The following SLC25A48 variants were observed in gnomAD, a reference collection of about 807,000 sequenced individuals.
The protein encoded by SLC25A48 is CTC-321K16.1.
SLC25A48 carries 29 observed loss-of-function variants against 32.2 expected under a neutral mutation model. That is an observed-to-expected ratio of 0.90 (90% CI 0.67 to 1.23). The LOEUF (loss-of-function observed/expected upper bound fraction) is 1.23, where lower values mean the gene tolerates loss of function less well. Among genes scored for constraint, SLC25A48 ranks in the 50% most tolerant of loss-of-function variants. The pLI, the probability that SLC25A48 is intolerant of heterozygous loss-of-function variation, is 0.00. For missense variants in SLC25A48, 399 were observed against 422.7 expected, an observed-to-expected ratio of 0.94 and a Z score of 0.49; for synonymous variants, 164 against 172.3, an observed-to-expected ratio of 0.95 and a Z score of 0.38.
chr5:135,625,979 T>A (rs1385407868), intron 1 of SLC25A48, among the ~76,000 whole-genome samples: 1 of 152,198 alleles, frequency 6.6e-6, no homozygotes, highest in Non-Finnish European at 1.5e-5. Context: ...TGGCCACCAC[T>A]GCCCCATCTC....
At chr5:135,740,591 G>A (rs2126999751) in intron 3 of SLC25A48, among the ~76,000 whole-genome samples, 1 of 152,332 alleles carries the variant, frequency 6.6e-6, no homozygotes, top group South Asian at 2.1e-4. Context: ...AGGGAGTGGA[G>A]TGTGTGGTGT....
intron 3 of SLC25A48, among the ~76,000 whole-genome samples, chr5:135,795,152 T>G (rs1261104184): frequency 6.6e-6 from 1 of 151,634 alleles, no homozygotes; most frequent in Non-Finnish European, 1.5e-5. Flanking sequence ...GGAGAGGATG[T>G]TATTACTCCC....
At chr5:135,780,135 C>T (rs1380778137) in intron 3 of SLC25A48, among the ~76,000 whole-genome samples, 2 of 107,712 alleles carry the variant, frequency 1.9e-5, no homozygotes, top group East Asian at 4.6e-4. Flanking sequence ...TGGTGTAAAC[C>T]GTGCCTGTGT....
chr5:135,679,446 C>A (rs577993657), intron 3 of SLC25A48, among the ~76,000 whole-genome samples: 1 of 152,300 alleles, frequency 6.6e-6, no homozygotes, highest in South Asian at 2.1e-4. Context: ...GTGGTAGCAG[C>A]TGTACTTCAG....
chr5:135,838,438 T>C (rs1426127987), intron 1 of SLC25A48, among the ~76,000 whole-genome samples: 2 of 152,252 alleles, frequency 1.3e-5, no homozygotes, highest in Admixed American at 6.5e-5. Context: ...TCAAGCCTGC[T>C]GCAGAAATTT....
At position 135,813,918 on chromosome 5, in the gene SLC25A48, G is replaced by A. The variant is rs116686432; in HGVS notation, c.-117+992G>A. 7.1e-3 allele frequency among the ~76,000 whole-genome samples: 1,076 copies of A among 152,266 alleles called. 12 individuals are homozygous for A. The highest frequency in any genetic ancestry group is 0.024 in the African/African-American group (1,007 of 41,548). Reference sequence around the variant, plus strand: ...CCCAAGCCGGCTCTGGGTGATGAGTGGTTGGAGACAAGGTCAGAAGTGAAT... The same window carrying A: ...CCCAAGCCGGCTCTGGGTGATGAGTAGTTGGAGACAAGGTCAGAAGTGAAT... On this transcript the variant is annotated intron_variant, in intron 4 of 10. Transcript: ENST00000646290.
At chr5:135,597,258 G>C (rs1751676687) in intron 1 of SLC25A48, among the ~76,000 whole-genome samples, 1 of 152,170 alleles carries the variant, frequency 6.6e-6, no homozygotes, top group Non-Finnish European at 1.5e-5. Flanking sequence ...TTGCAGATCT[G>C]AGCAAGAAGG....
At chr5:135,788,564 C>T (rs983567719) in intron 3 of SLC25A48, among the ~76,000 whole-genome samples, 1 of 149,806 alleles carries the variant, frequency 6.7e-6, no homozygotes, top group African/African-American at 2.5e-5. Context: ...TGATATTACT[C>T]CCCTGTGGAG....
intron 3 of SLC25A48, among the ~76,000 whole-genome samples, chr5:135,701,389 ACCAAAGTTAG>A (rs1263183122): frequency 6.6e-6 from 1 of 152,006 alleles, no homozygotes; most frequent in Non-Finnish European, 1.5e-5. Context: ...CCTCCTTGTT[ACCAAAGTTAG>A]CCAAACTGCC....
intron 3 of SLC25A48, chr5:135,653,732 A>C: frequency 2.2e-6 from 1 of 446,068 alleles, no homozygotes; most frequent in African/African-American, 2.0e-5. Flanking sequence ...TTCCTTTGGA[A>C]GATAAAGGAG....
chr5:135,788,365 C>T (rs1177252566), intron 3 of SLC25A48, among the ~76,000 whole-genome samples: 10 of 150,104 alleles, frequency 6.7e-5, no homozygotes, highest in Admixed American at 4.6e-4. Context: ...TGTACACCCC[C>T]CCGCCATATG....
intron 1 of SLC25A48, among the ~76,000 whole-genome samples, chr5:135,626,058 T>C (rs544860470): frequency 3.3e-5 from 5 of 152,330 alleles, no homozygotes; most frequent in South Asian, 4.1e-4. Context: ...CTGAACCTGA[T>C]GAAATAAACC....
chr5:135,683,144 C>G (rs1282977250), intron 3 of SLC25A48, among the ~76,000 whole-genome samples: 1 of 152,124 alleles, frequency 6.6e-6, no homozygotes, highest in African/African-American at 2.4e-5. Context: ...CCTGACTGCA[C>G]CTGCAGATAA....
chr5:135,788,604 C>T (rs937495006), intron 3 of SLC25A48, among the ~76,000 whole-genome samples: 3 of 149,930 alleles, frequency 2.0e-5, no homozygotes, highest in South Asian at 4.3e-4. Flanking sequence ...CCCTATGCTT[C>T]GTAATATCCA....
chr5:135,764,739 G>A (rs542067194), intron 3 of SLC25A48, among the ~76,000 whole-genome samples: 2 of 149,466 alleles, frequency 1.3e-5, no homozygotes, highest in African/African-American at 4.9e-5. Context: ...TCCATATCAC[G>A]GGGGGTGCAC....
At chr5:135,667,221 C>T (rs1398652363) in intron 3 of SLC25A48, among the ~76,000 whole-genome samples, 3 of 152,136 alleles carry the variant, frequency 2.0e-5, no homozygotes, top group Non-Finnish European at 4.4e-5. Flanking sequence ...TCTAAAAGCA[C>T]TCTGCTTGGC....
Position 135,583,177 on chromosome 5 carries a change from TGTGC to T in SLC25A48, c.-849+3584_-849+3587del, listed in dbSNP as rs1208456472. ...ACAAGGTTGCATGTGAGAAAGTGTG[TGTGC>T]GTGTGTGTGTGTGTGTGTTTGCGTG... On this transcript the variant is annotated intron_variant, in intron 1 of 10. Coordinates refer to the SLC25A48 transcript ENST00000646290. Among the ~76,000 whole-genome samples, 11 of 151,688 alleles carry T rather than the reference TGTGC, an allele frequency of 7.3e-5. No individual in the cohort carries two copies. The East Asian group carries it at 1.4e-3, about 19-fold the overall frequency.
At chr5:135,687,088 G>A (rs1417764376) in intron 3 of SLC25A48, among the ~76,000 whole-genome samples, 1 of 152,060 alleles carries the variant, frequency 6.6e-6, no homozygotes, top group Admixed American at 6.6e-5. Flanking sequence ...CATGCCCAAA[G>A]ATCATGAAGT....
intron 7 of SLC25A48, among the ~76,000 whole-genome samples, chr5:135,881,856 C>T (rs1359017917): frequency 1.3e-5 from 2 of 152,184 alleles, no homozygotes; most frequent in African/African-American, 4.8e-5. Context: ...TGTTTTACAG[C>T]CCTCTTTTCC....
Sources: allele counts gnomAD v4.1 joint callset (sites outside exome capture counted in the v4.1 genomes callset), GRCh38; gene constraint gnomAD v4.1.1; transcripts MANE v1.5; gene names NCBI Gene and HGNC (gene_info 2026-07-23, HGNC 2026-07-21).